Variants in PDE4D observed in about 807,000 individuals in gnomAD.
The protein encoded by PDE4D is 3',5'-cyclic-AMP phosphodiesterase 4D.
Under a neutral mutation model 87.4 loss-of-function variants are expected in PDE4D, and 24 were observed. The observed-to-expected ratio is 0.27, with a 90% CI of 0.20 to 0.39. The LOEUF is 0.39. Ranked by LOEUF, PDE4D falls within the 10% of genes least tolerant of loss-of-function variation. PDE4D has a pLI of 1.00. For missense variants in PDE4D, 714 were observed against 1,041.0 expected (o/e 0.69, Z 4.32); for synonymous variants, 384 against 383.2 (o/e 1.00, Z -0.02).
chr5:59,895,251 G>C (rs1257470790), upstream of PDE4D, among the ~76,000 whole-genome samples: 1 of 152,212 alleles, frequency 6.6e-6, no homozygotes, highest in African/African-American at 2.4e-5. Flanking sequence ...TGCTCACTTT[G>C]TTTATCAGCA....
At chr5:60,130,533 T>C (rs896145682) in intron 2 of PDE4D, among the ~76,000 whole-genome samples, 1 of 152,162 alleles carries the variant, frequency 6.6e-6, no homozygotes, top group African/African-American at 2.4e-5. Flanking sequence ...CATCCTTTTA[T>C]TTGCTTTCCC....
intron 1 of PDE4D, among the ~76,000 whole-genome samples, chr5:60,394,133 T>C (rs1762728221): frequency 6.6e-6 from 1 of 152,194 alleles, no homozygotes; most frequent in South Asian, 2.1e-4. Context: ...CTCCCCAAAA[T>C]TTCGACAAAA....
At chr5:59,397,381 T>G (rs1789625536) in intron 1 of PDE4D, among the ~76,000 whole-genome samples, 1 of 120,088 alleles carries the variant, frequency 8.3e-6, no homozygotes, top group Non-Finnish European at 1.8e-5. Flanking sequence ...ACAAACTATC[T>G]CTCAGACCAC....
chr5:59,707,414 A>G (rs1753587035), intron 1 of PDE4D, among the ~76,000 whole-genome samples: 1 of 152,204 alleles, frequency 6.6e-6, no homozygotes, highest in African/African-American at 2.4e-5. Context: ...GGTCACATGC[A>G]TATGTTGGTC....
At chr5:60,291,258 T>C (rs1184913097) in intron 1 of PDE4D, among the ~76,000 whole-genome samples, 3 of 152,170 alleles carry the variant, frequency 2.0e-5, no homozygotes, top group Non-Finnish European at 4.4e-5. Flanking sequence ...TTAGTTGTAG[T>C]TTTAAAGCAA....
chr5:60,105,229 A>T (rs1341283274), intron 2 of PDE4D, among the ~76,000 whole-genome samples: 1 of 152,250 alleles, frequency 6.6e-6, no homozygotes, highest in Non-Finnish European at 1.5e-5. Context: ...AAGCCTCAGG[A>T]GCCAATGCGA....
chr5:59,836,829 A>G (rs1742192234), intron 1 of PDE4D, among the ~76,000 whole-genome samples: 1 of 151,998 alleles, frequency 6.6e-6, no homozygotes, highest in African/African-American at 2.4e-5. Flanking sequence ...TTGTGTCGAT[A>G]TGGGGAAGAG....
At chr5:59,222,856 A>T (rs1253781864) in intron 1 of PDE4D, among the ~76,000 whole-genome samples, 2 of 152,194 alleles carry the variant, frequency 1.3e-5, no homozygotes. Flanking sequence ...CATTATAAGG[A>T]TTAGAAGAGA....
At chr5:59,712,783 A>T (rs184771059) in intron 1 of PDE4D, among the ~76,000 whole-genome samples, 5 of 152,250 alleles carry the variant, frequency 3.3e-5, no homozygotes, top group Non-Finnish European at 5.9e-5. Flanking sequence ...CCCAAGATTT[A>T]TGTTTCAGGC....
At chr5:59,136,205 G>A (rs1020848699) in intron 5 of PDE4D, among the ~76,000 whole-genome samples, 7 of 152,118 alleles carry the variant, frequency 4.6e-5, no homozygotes, top group African/African-American at 1.7e-4. Flanking sequence ...TGTATGAAAG[G>A]TGACTAATTT....
chr5:59,566,291 T>C (rs2153693620), intron 1 of PDE4D, among the ~76,000 whole-genome samples: 1 of 152,230 alleles, frequency 6.6e-6, no homozygotes, highest in Admixed American at 6.5e-5. Flanking sequence ...CCCACCTCTG[T>C]GCCTGCCTCC....
chr5:59,404,259 C>T (rs766095703), intron 1 of PDE4D, among the ~76,000 whole-genome samples: 15 of 152,276 alleles, frequency 9.9e-5, no homozygotes, highest in South Asian at 2.1e-4. Context: ...GTTGTCTCCT[C>T]ACCTTGTTGA....
chr5:59,061,379 A>G (rs1033536950), intron 5 of PDE4D, among the ~76,000 whole-genome samples: 1 of 152,152 alleles, frequency 6.6e-6, no homozygotes, highest in Non-Finnish European at 1.5e-5. Flanking sequence ...GACCATGACT[A>G]TCTTATTTAT....
chr5:59,216,882 T>C (rs1402451638), intron 1 of PDE4D: 1 of 190,832 alleles, frequency 5.2e-6, no homozygotes, highest in African/African-American at 2.4e-5. Context: ...CCCAAGACAC[T>C]TTCCCACTCC....
chr5:59,175,636 A>G (rs10940642), intron 5 of PDE4D, among the ~76,000 whole-genome samples: 112,672 of 151,238 alleles, frequency 0.74, 42,388 homozygotes, highest in African/African-American at 0.83. Context: ...ACCTGCCACC[A>G]CGCCTGGCTA....
intron 1 of PDE4D, among the ~76,000 whole-genome samples, chr5:59,634,329 A>G (rs530821039): frequency 2.6e-5 from 4 of 152,234 alleles, no homozygotes; most frequent in African/African-American, 4.8e-5. Flanking sequence ...CAGATGAACG[A>G]GACAGAAAAT....
chr5:60,375,673 G>C (rs1561182608), intron 1 of PDE4D, among the ~76,000 whole-genome samples: 1 of 152,084 alleles, frequency 6.6e-6, no homozygotes, highest in Non-Finnish European at 1.5e-5. Context: ...TACCTGTACT[G>C]GCCCCTCAAC....
chr5:59,754,128 G>A (rs1489195872), intron 1 of PDE4D, among the ~76,000 whole-genome samples: 3 of 152,066 alleles, frequency 2.0e-5, no homozygotes, highest in African/African-American at 4.8e-5. Flanking sequence ...TCAGGAGTTC[G>A]AGACCAGCCT....
chr5:60,427,557 A>T (rs923883551), intron 1 of PDE4D, among the ~76,000 whole-genome samples: 5 of 152,232 alleles, frequency 3.3e-5, no homozygotes, highest in Non-Finnish European at 5.9e-5. Context: ...CACTATAAGA[A>T]ATACAAAAAG....
Sources: gnomAD v4.1 joint callset for allele counts (sites outside exome capture counted in the v4.1 genomes callset) on GRCh38, gnomAD v4.1.1 for gene constraint, MANE v1.5 for transcripts, NCBI Gene and HGNC (gene_info 2026-07-23, HGNC 2026-07-21) for gene names.